ASAP1: variants seen among roughly 807,000 people sequenced by gnomAD.
The protein encoded by ASAP1 is ArfGAP with SH3 domain, ankyrin repeat and PH domain 1.
In ASAP1, 43 loss-of-function variants were observed where a neutral mutation model predicts 145.2. That is an observed-to-expected ratio of 0.30 (90% CI 0.23 to 0.38). The LOEUF (loss-of-function observed/expected upper bound fraction) is 0.38. Among genes scored for constraint, ASAP1 ranks in the 10% least tolerant of loss-of-function variants. The pLI is 1.00. For missense variants in ASAP1, 1,018 were observed against 1,355.3 expected (o/e 0.75, Z 3.91); for synonymous variants, 546 against 515.5 (o/e 1.06, Z -0.80).
intron 3 of ASAP1, among the ~76,000 whole-genome samples, chr8:130,357,412 G>T (rs939301139): frequency 1.3e-5 from 2 of 152,246 alleles, no homozygotes; most frequent in African/African-American, 2.4e-5. Context: ...TAGGGAAGCC[G>T]GGTGGAAACC....
At chr8:130,228,465 C>T (rs771065696) in intron 4 of ASAP1, among the ~76,000 whole-genome samples, 7 of 151,928 alleles carry the variant, frequency 4.6e-5, no homozygotes, top group African/African-American at 1.7e-4. Flanking sequence ...CTTTGGGAAG[C>T]GAAGGTGGGT....
At chr8:130,272,661 T>C (rs1318827632) in intron 3 of ASAP1, among the ~76,000 whole-genome samples, 1 of 152,222 alleles carries the variant, frequency 6.6e-6, no homozygotes, top group Admixed American at 6.5e-5. Context: ...TGGAATACTA[T>C]TTGACCATAA....
intron 9 of ASAP1, among the ~76,000 whole-genome samples, chr8:130,172,405 A>G (rs1813650050): frequency 6.6e-6 from 1 of 152,156 alleles, no homozygotes; most frequent in South Asian, 2.1e-4. Context: ...ACCAAAAACC[A>G]CCTGTACTCC....
chr8:130,420,140 T>G (rs1829657361), intron 1 of ASAP1, among the ~76,000 whole-genome samples: 1 of 151,546 alleles, frequency 6.6e-6, no homozygotes, highest in Non-Finnish European at 1.5e-5. Context: ...AAAAAGCAGG[T>G]GAGAAGATGC....
At chr8:130,090,334 A>C (rs968645521) in intron 25 of ASAP1, among the ~76,000 whole-genome samples, 1 of 152,234 alleles carries the variant, frequency 6.6e-6, no homozygotes, top group Non-Finnish European at 1.5e-5. Flanking sequence ...TTGTGATATG[A>C]AACGCTGATG....
chr8:130,221,177 T>C (rs1243180418), intron 4 of ASAP1, among the ~76,000 whole-genome samples: 1 of 151,614 alleles, frequency 6.6e-6, no homozygotes. Flanking sequence ...GAGGCTGCAG[T>C]GAGTGGTGAT....
chr8:130,357,096 A>G (rs1207132986), intron 3 of ASAP1, among the ~76,000 whole-genome samples: 2 of 152,162 alleles, frequency 1.3e-5, no homozygotes, highest in Non-Finnish European at 2.9e-5. Context: ...TCGTGGCCCC[A>G]GAGGCTTCTG....
At chr8:130,391,191 T>C (rs1828268897) in intron 2 of ASAP1, among the ~76,000 whole-genome samples, 1 of 152,108 alleles carries the variant, frequency 6.6e-6, no homozygotes, top group African/African-American at 2.4e-5. Context: ...AGACAAATAT[T>C]GTATGATTCC....
chr8:130,336,792 C>G (rs1242266059), intron 3 of ASAP1, among the ~76,000 whole-genome samples: 3 of 152,096 alleles, frequency 2.0e-5, no homozygotes, highest in Non-Finnish European at 4.4e-5. Context: ...GACGGTAAGC[C>G]AGATAGATGT....
intron 1 of ASAP1, among the ~76,000 whole-genome samples, chr8:130,431,408 C>T (rs1830130150): frequency 6.6e-6 from 1 of 152,222 alleles, no homozygotes; most frequent in South Asian, 2.1e-4. Context: ...TCAACACATC[C>T]TACCTCAAAC....
At chr8:130,394,504 C>A (rs527714866) in intron 2 of ASAP1, among the ~76,000 whole-genome samples, 1 of 152,244 alleles carries the variant, frequency 6.6e-6, no homozygotes, top group African/African-American at 2.4e-5. Context: ...AATGTCGTCC[C>A]GGTCCTGTGG....
intron 4 of ASAP1, among the ~76,000 whole-genome samples, chr8:130,223,649 A>G (rs7837226): frequency 0.58 from 88,633 of 151,578 alleles, 26,864 homozygotes; most frequent in African/African-American, 0.74. Flanking sequence ...GGGTTATTAA[A>G]GGAAATAGAT....
At chr8:130,420,235 T>TACACACACAC (rs34138357) in intron 1 of ASAP1, among the ~76,000 whole-genome samples, 145 of 139,414 alleles carry the variant, frequency 1.0e-3, no homozygotes, top group African/African-American at 3.3e-3. Context: ...CATAATGAAA[T>TACACACACAC]ACACACACAC....
intron 27 of ASAP1, among the ~76,000 whole-genome samples, chr8:130,072,832 G>GTGTGTGTGTGTGTGTGTGTGT (rs61663506): frequency 2.6e-4 from 3 of 11,746 alleles, no homozygotes; most frequent in African/African-American, 8.0e-4. Flanking sequence ...TGTGCGCGCG[G>GTGTGTGTGTGTGTGTGTGTGT]GGGGGGGCAG....
At chr8:130,422,108 A>G (rs1454036638) in intron 1 of ASAP1, among the ~76,000 whole-genome samples, 1 of 152,206 alleles carries the variant, frequency 6.6e-6, no homozygotes, top group Non-Finnish European at 1.5e-5. Flanking sequence ...GAAGAGGGGA[A>G]TACTCCAGCT....
At chr8:130,141,646 A>T (rs901198078) in intron 13 of ASAP1, among the ~76,000 whole-genome samples, 1 of 152,126 alleles carries the variant, frequency 6.6e-6, no homozygotes, top group Admixed American at 6.6e-5. Context: ...CTCCCAGGCG[A>T]AGTGATTGTC....
intron 23 of ASAP1, 105 bp from the exon 24 acceptor site, chr8:130,112,427 C>T: frequency 1.1e-6 from 1 of 887,810 alleles, no homozygotes; most frequent in Non-Finnish European, 1.7e-6. Context: ...GTTCCTGTGG[C>T]TCTCTGAGCT....
In ASAP1 at chr8:130,072,790, G is replaced by GGTGTGTGT. The variant is rs142924621; in HGVS notation, c.2701+3557_2701+3558insACACACAC. Among the ~76,000 whole-genome samples, 214 of 66,056 alleles carry GGTGTGTGT rather than the reference G, an allele frequency of 3.2e-3. 22 individuals carry two copies. Among genetic ancestry groups the GGTGTGTGT allele is most frequent in the African/African-American group, 0.011 (176 of 16,116 alleles). 43.3% of individuals were successfully genotyped at this position (66,056 alleles called of 152,430 possible). A position where few individuals can be genotyped will look rare whatever the true frequency, so the allele number is the denominator to read the frequency against. ...GTTCTGAAGGCCTGGACTTGCAATT[G>GGTGTGTGT]ATATGTGTGTGTGTGTGTGTGTGTG... On this transcript the variant is annotated intron_variant, in intron 27 of 29. Coordinates refer to ENST00000518721, the MANE Select transcript of ASAP1 (RefSeq NM_018482.4).
chr8:130,055,873 CGT>C (rs1491589285), intron 29 of ASAP1, among the ~76,000 whole-genome samples: 8 of 152,346 alleles, frequency 5.3e-5, no homozygotes, highest in African/African-American at 1.9e-4. Flanking sequence ...CCACCCACCG[CGT>C]GTGGTCTTAG....
Sources: gnomAD v4.1 joint callset for allele counts (sites outside exome capture counted in the v4.1 genomes callset) on GRCh38, gnomAD v4.1.1 for gene constraint, MANE v1.5 for transcripts, NCBI Gene and HGNC (gene_info 2026-07-23, HGNC 2026-07-21) for gene names.